RGL1: variants seen among roughly 807,000 people sequenced by gnomAD.
RGL1 encodes ral guanine nucleotide dissociation stimulator like 1.
Under a neutral mutation model 95.2 loss-of-function variants are expected in RGL1, and 24 were observed. The ratio of observed to expected loss-of-function variants is 0.25; its 90% CI spans 0.18 to 0.35. The LOEUF (loss-of-function observed/expected upper bound fraction) is 0.35. Among genes scored for constraint, RGL1 ranks in the 10% least tolerant of loss-of-function variants. The pLI, the probability that RGL1 is intolerant of heterozygous loss-of-function variation, is 1.00. For missense variants in RGL1, 715 were observed against 936.3 expected (o/e 0.76, Z 3.08); for synonymous variants, 329 against 344.9 (o/e 0.95, Z 0.51).
chr1:183,697,306 C>G (rs1214015117), intron 1 of RGL1, among the ~76,000 whole-genome samples: 1 of 152,154 alleles, frequency 6.6e-6, no homozygotes, highest in Admixed American at 6.5e-5. Context: ...CACTCACTAT[C>G]CCCATTCCAT....
At position 183,907,900 on chromosome 1, in the gene RGL1, G is replaced by A. The variant is rs534016710; in HGVS notation, c.1562+799G>A. On this transcript the variant is annotated intron_variant, in intron 14 of 17. Coordinates refer to ENST00000360851, the MANE Select transcript of RGL1 (RefSeq NM_001297671.3). The stretch of plus-strand genomic sequence containing the variant: ...TAGTCCCAGCTACTTGGGAGGCTGA[G>A]GTGGGAGGGTTGCCTGAGCCCAGGA... 3.3e-5 allele frequency among the ~76,000 whole-genome samples: 5 copies of A among 152,210 alleles called. No homozygotes were observed. The South Asian group carries it at 8.3e-4, about 25-fold the overall frequency.
At chr1:183,712,763 G>C (rs1286593036) in intron 1 of RGL1, among the ~76,000 whole-genome samples, 1 of 152,184 alleles carries the variant, frequency 6.6e-6, no homozygotes, top group Non-Finnish European at 1.5e-5. Flanking sequence ...CTTAATCCCA[G>C]CTCCTAAAGT....
chr1:183,686,129 T>A (rs927025311), intron 1 of RGL1, among the ~76,000 whole-genome samples: 5 of 152,216 alleles, frequency 3.3e-5, no homozygotes, highest in Non-Finnish European at 7.4e-5. Context: ...TAGTTATATA[T>A]GTCATGCCGA....
At chr1:183,720,186 G>A (rs1353589840) in intron 1 of RGL1, among the ~76,000 whole-genome samples, 1 of 152,186 alleles carries the variant, frequency 6.6e-6, no homozygotes, top group Non-Finnish European at 1.5e-5. Context: ...AAATACAACT[G>A]ATGAATCACC....
chr1:183,846,553 G>T (rs920079696), intron 2 of RGL1, among the ~76,000 whole-genome samples: 8 of 150,670 alleles, frequency 5.3e-5, no homozygotes, highest in African/African-American at 2.0e-4. Flanking sequence ...AAAAAAAAAA[G>T]AATAAAAAAC....
intron 2 of RGL1, among the ~76,000 whole-genome samples, chr1:183,827,481 C>T (rs1257815422): frequency 6.6e-6 from 1 of 152,212 alleles, no homozygotes. Context: ...TGTAGGACGT[C>T]AGTGGCCTGT....
chr1:183,715,961 A>G (rs1488830841), intron 1 of RGL1, among the ~76,000 whole-genome samples: 2 of 152,212 alleles, frequency 1.3e-5, no homozygotes, highest in African/African-American at 4.8e-5. Flanking sequence ...TGAGGAGAGG[A>G]CTGAAGACAG....
intron 3 of RGL1, among the ~76,000 whole-genome samples, chr1:183,858,217 A>T (rs12120011): frequency 0.13 from 20,088 of 152,166 alleles, 1,685 homozygotes; most frequent in Middle Eastern, 0.26. Context: ...TTCAGCTTTG[A>T]TCATTTAAAG....
At chr1:183,649,265 T>A (rs975468781) in intron 1 of RGL1, among the ~76,000 whole-genome samples, 1 of 152,244 alleles carries the variant, frequency 6.6e-6, no homozygotes, top group Non-Finnish European at 1.5e-5. Flanking sequence ...ACTAATGTGC[T>A]TGTCACATAG....
chr1:183,716,640 T>G (rs1299327097), intron 1 of RGL1, among the ~76,000 whole-genome samples: 2 of 152,216 alleles, frequency 1.3e-5, no homozygotes, highest in East Asian at 3.8e-4. Flanking sequence ...CTGAAAAATG[T>G]AGTCCCTGGC....
chr1:183,806,571 T>C, intron 2 of RGL1, 86 bp downstream of exon 2: 8 of 235,892 alleles, frequency 3.4e-5, no homozygotes, highest in Non-Finnish European at 5.0e-5. Flanking sequence ...AGAGGCAGGC[T>C]TTTTTTTTTT....
rs778626370 is a variant in RGL1 at position 183,884,735 on chromosome 1, A to G, written c.748A>G (p.Lys250Glu). The G allele has an allele frequency of 1.9e-6, 3 of 1,614,018 alleles. No individual in the cohort carries two copies. In the Admixed American group the frequency reaches 5.0e-5, roughly 27 times the overall value. Residue 250 changes from lysine to glutamate, a missense_variant, in exon 7 of 18, where the codon AAA becomes GAA. This residue lies in a region of RGL1 where 381 missense variants were observed against 484.8 expected (regional missense o/e 0.79). Coordinates refer to ENST00000360851, the MANE Select transcript of RGL1 (RefSeq NM_001297671.3). Reference sequence around the variant, plus strand: ...TCTTTTGTTCCAGCAACTCTTCAAGAAAGTAGTGCCTCACCACTGCCTGGG... The same window carrying G: ...TCTTTTGTTCCAGCAACTCTTCAAGGAAGTAGTGCCTCACCACTGCCTGGG... Reference protein sequence around the residue: ...LTYMDAQLFKKVVPHHCLGCI... With the variant: ...LTYMDAQLFKEVVPHHCLGCI...
At chr1:183,821,507 T>C (rs74790227) in intron 2 of RGL1, among the ~76,000 whole-genome samples, 4,601 of 152,306 alleles carry the variant, frequency 0.03, 103 homozygotes, top group Admixed American at 0.051. Context: ...CCTGACTTAA[T>C]CTGAAGCATT....
intron 2 of RGL1, among the ~76,000 whole-genome samples, chr1:183,764,618 G>A (rs925702072): frequency 2.0e-5 from 3 of 152,066 alleles, no homozygotes; most frequent in Admixed American, 1.3e-4. Context: ...TTCCAGTCCT[G>A]ATCTTTCTAT....
At chr1:183,873,477 T>C (rs994519484) in intron 4 of RGL1, among the ~76,000 whole-genome samples, 1 of 152,082 alleles carries the variant, frequency 6.6e-6, no homozygotes, top group African/African-American at 2.4e-5. Flanking sequence ...ATCAGGCAGG[T>C]GGTTAAGTGA....
intron 3 of RGL1, among the ~76,000 whole-genome samples, chr1:183,865,450 A>G (rs1665767421): frequency 6.6e-6 from 1 of 152,162 alleles, no homozygotes; most frequent in Non-Finnish European, 1.5e-5. Context: ...TCTCTATCCC[A>G]GCCTTAATTT....
Position 183,767,060 on chromosome 1 carries a change from T to TA in RGL1, c.132+24781dup, listed in dbSNP as rs777175161. On this transcript the variant is annotated intron_variant, in intron 2 of 18. Coordinates refer to the RGL1 transcript ENST00000304685. ...ATGAGAACTTGTGTCTACTAAAAAT[T>TA]AAAAAAAAAATTAGCCAGATGTGGT... Among the ~76,000 whole-genome samples, 277 of 146,922 alleles carry TA rather than the reference T, an allele frequency of 1.9e-3. 6 individuals carry two copies. The East Asian group carries it at 0.042, about 22-fold the overall frequency.
chr1:183,675,060 T>C (rs1390548720), intron 1 of RGL1, among the ~76,000 whole-genome samples: 2 of 152,228 alleles, frequency 1.3e-5, no homozygotes, highest in East Asian at 3.8e-4. Context: ...TCTTCTGTTC[T>C]GAGCTGATCA....
At chr1:183,885,863 G>A (rs555878453) in intron 7 of RGL1, among the ~76,000 whole-genome samples, 24 of 152,226 alleles carry the variant, frequency 1.6e-4, no homozygotes, top group Non-Finnish European at 2.4e-4. Context: ...CTGATGGGAT[G>A]ATCAAGGAAG....
Sources: allele counts gnomAD v4.1 joint callset (sites outside exome capture counted in the v4.1 genomes callset), GRCh38; gene constraint gnomAD v4.1.1; regional missense constraint gnomAD v4.1.1; transcripts MANE v1.5; gene names NCBI Gene and HGNC (gene_info 2026-07-23, HGNC 2026-07-21).